MINDY3: variants seen among roughly 807,000 people sequenced by gnomAD.
The protein encoded by MINDY3 is MINDY lysine 48 deubiquitinase 3.
A neutral mutation model predicts 69.2 loss-of-function variants in MINDY3; 38 were observed. The ratio of observed to expected loss-of-function variants is 0.55; its 90% CI spans 0.42 to 0.72. MINDY3 has a LOEUF of 0.72. MINDY3 is among the 30% of genes least tolerant of loss of function. MINDY3 has a pLI of 0.00. For synonymous variants in MINDY3, 192 were observed against 180.1 expected, an observed-to-expected ratio of 1.07 and a Z score of -0.53; for missense variants, 522 against 519.0, an observed-to-expected ratio of 1.01 and a Z score of -0.06.
In MINDY3 at chr10:15,822,989, T is replaced by A. The variant is rs1273749321; in HGVS notation, c.731-1263A>T. ...AACATAATGCATATATAATTTTGCATCCTTTTTACCATCTGGTCATGTTTT... is the reference window on the plus strand; with the variant it reads ...AACATAATGCATATATAATTTTGCAACCTTTTTACCATCTGGTCATGTTTT... On this transcript the variant is annotated intron_variant, in intron 8 of 14. Coordinates refer to ENST00000277632, the MANE Select transcript of MINDY3 (RefSeq NM_024948.4). Among the ~76,000 whole-genome samples the A allele has an allele frequency of 2.0e-5, 3 of 152,188 alleles. No homozygotes were observed. The East Asian group carries it at 5.8e-4, about 29-fold the overall frequency.
chr10:15,854,893 C>T (rs531520175), intron 1 of MINDY3, among the ~76,000 whole-genome samples: 8 of 152,102 alleles, frequency 5.3e-5, no homozygotes, highest in South Asian at 2.1e-4. Context: ...AATTTAAGGT[C>T]CAACCTAGGA....
At position 15,786,652 on chromosome 10, in the gene MINDY3, C is replaced by A; in HGVS notation, c.1029-4G>T. ...TTTATTCTTCATGAGATTTATACTA[C>A]GGGGAGAAAGAAGAAAAACAGTGGA... On this transcript the variant is annotated splice_region_variant and splice_polypyrimidine_tract_variant and intron_variant, in intron 12 of 14. Transcript: ENST00000277632. The A allele has an allele frequency of 1.3e-6, 2 of 1,522,646 alleles. No individual in the cohort carries two copies. Among genetic ancestry groups the A allele is most frequent in the Non-Finnish European group, 1.8e-6 (2 of 1,106,856 alleles). The allele number at this position is 1,522,646 out of a possible 1,614,324, so 94.3% of individuals were successfully genotyped here.
intron 10 of MINDY3, among the ~76,000 whole-genome samples, chr10:15,812,950 C>CT (rs1839108875): frequency 1.3e-5 from 2 of 152,150 alleles, no homozygotes; most frequent in South Asian, 4.1e-4. Flanking sequence ...AATCCATGCA[C>CT]TTTTTTCCTC....
At chr10:15,853,472 C>T (rs951998930) in intron 1 of MINDY3, among the ~76,000 whole-genome samples, 1 of 152,110 alleles carries the variant, frequency 6.6e-6, no homozygotes, top group African/African-American at 2.4e-5. Context: ...TCAAGCTGTC[C>T]TAGTGGTCAC....
intron 6 of MINDY3, 45 bp downstream of exon 6, chr10:15,837,159 G>A: frequency 8.8e-7 from 1 of 1,130,874 alleles, no homozygotes; most frequent in Non-Finnish European, 1.3e-6. Flanking sequence ...AAACAGCACT[G>A]AACAACATTA....
At position 15,817,216 on chromosome 10, in the gene MINDY3, G is replaced by A. The variant is rs891173522; in HGVS notation, c.802-301C>T. The A allele has an allele frequency of 2.1e-5, 5 of 238,638 alleles. No homozygotes were observed. The East Asian group carries it at 2.5e-4, about 12-fold the overall frequency. 14.8% of individuals were successfully genotyped at this position (238,638 alleles called of 1,614,324 possible). A position where few individuals can be genotyped will look rare whatever the true frequency, so the allele number is the denominator to read the frequency against. ...TTCTCAGGTTTTGCTAAAGTTCCTA[G>A]ATAAAATGACCACTTCTTAGAATTT... On this transcript the variant is annotated intron_variant, in intron 9 of 14. Transcript: ENST00000277632.
chr10:15,848,921 G>A (rs1203472530), intron 1 of MINDY3, among the ~76,000 whole-genome samples: 2 of 152,034 alleles, frequency 1.3e-5, no homozygotes, highest in African/African-American at 4.8e-5. Context: ...TCCATTAATT[G>A]TTACTATTCA....
At chr10:15,781,043 C>G (rs1399757459) in intron 14 of MINDY3, among the ~76,000 whole-genome samples, 1 of 152,108 alleles carries the variant, frequency 6.6e-6, no homozygotes, top group African/African-American at 2.4e-5. Flanking sequence ...AAAGTACCTC[C>G]TATTACAAAG....
chr10:15,825,817 G>A (rs989602537), intron 8 of MINDY3, among the ~76,000 whole-genome samples: 2 of 152,040 alleles, frequency 1.3e-5, no homozygotes, highest in Non-Finnish European at 2.9e-5. Flanking sequence ...AATTAGCTAT[G>A]CATTTGACTG....
chr10:15,838,332 G>C, intron 4 of MINDY3, 53 bp from the exon 5 acceptor site: 1 of 1,467,980 alleles, frequency 6.8e-7, no homozygotes, highest in Non-Finnish European at 9.2e-7. Flanking sequence ...AATGACACAA[G>C]ATACACACAG....
At chr10:15,842,010 TAAC>T (rs1833502328) in intron 3 of MINDY3, among the ~76,000 whole-genome samples, 1 of 151,766 alleles carries the variant, frequency 6.6e-6, no homozygotes, top group Non-Finnish European at 1.5e-5. Flanking sequence ...TGAATTAATC[TAAC>T]GTCTATGATC....
chr10:15,831,955 C>A (rs933663087), intron 8 of MINDY3, among the ~76,000 whole-genome samples: 1 of 152,128 alleles, frequency 6.6e-6, no homozygotes, highest in East Asian at 1.9e-4. Flanking sequence ...GGACTACAGG[C>A]ATGAGCCACC....
At chr10:15,812,085 G>T (rs530160782) in intron 10 of MINDY3, among the ~76,000 whole-genome samples, 5 of 152,152 alleles carry the variant, frequency 3.3e-5, no homozygotes, top group African/African-American at 1.2e-4. Context: ...GGGATTACAG[G>T]TGCCCAGCAC....
intron 8 of MINDY3, among the ~76,000 whole-genome samples, chr10:15,828,378 T>C (rs995871743): frequency 6.6e-6 from 1 of 152,094 alleles, no homozygotes; most frequent in Non-Finnish European, 1.5e-5. Flanking sequence ...GGTAAATCTA[T>C]AGAGAGAAAG....
chr10:15,840,006 T>G (rs898762593), intron 4 of MINDY3, among the ~76,000 whole-genome samples: 1 of 151,676 alleles, frequency 6.6e-6, no homozygotes, highest in African/African-American at 2.4e-5. Flanking sequence ...CATAGCATAT[T>G]TCATAGTATG....
intron 8 of MINDY3, among the ~76,000 whole-genome samples, chr10:15,832,261 T>G (rs1840521511): frequency 6.6e-6 from 1 of 152,044 alleles, no homozygotes; most frequent in South Asian, 2.1e-4. Flanking sequence ...CCAAGTGGGA[T>G]GAGGCACCTC....
intron 13 of MINDY3, among the ~76,000 whole-genome samples, chr10:15,782,834 CAG>C (rs1836651470): frequency 6.6e-6 from 1 of 152,190 alleles, no homozygotes; most frequent in African/African-American, 2.4e-5. Flanking sequence ...ATATCACTAA[CAG>C]AGTAAGCTTG....
chr10:15,850,485 C>G (rs575588976), intron 1 of MINDY3, among the ~76,000 whole-genome samples: 2 of 152,278 alleles, frequency 1.3e-5, no homozygotes, highest in African/African-American at 4.8e-5. Context: ...AGAATGCATT[C>G]TCAGGGGGGA....
At chr10:15,781,957 T>A (rs912741357) in intron 14 of MINDY3, among the ~76,000 whole-genome samples, 198 bp downstream of exon 14, 1 of 152,090 alleles carries the variant, frequency 6.6e-6, no homozygotes, top group African/African-American at 2.4e-5. Flanking sequence ...TGCTCTGAAG[T>A]CCAATGTCAG....
Sources: gnomAD v4.1 joint callset for allele counts (sites outside exome capture counted in the v4.1 genomes callset) on GRCh38, gnomAD v4.1.1 for gene constraint, MANE v1.5 for transcripts, NCBI Gene and HGNC (gene_info 2026-07-23, HGNC 2026-07-21) for gene names.